The following DLGAP2 variants were observed in gnomAD, a reference collection of about 807,000 sequenced individuals.
DLGAP2 encodes DLG associated protein 2.
A neutral mutation model predicts 100.3 loss-of-function variants in DLGAP2; 26 were observed. That is an observed-to-expected ratio of 0.26 (90% CI 0.19 to 0.36). The LOEUF (loss-of-function observed/expected upper bound fraction) is 0.36, where lower values mean the gene tolerates loss of function less well. Ranked by LOEUF, DLGAP2 falls within the 10% of genes least tolerant of loss-of-function variation. DLGAP2 has a pLI of 1.00. For synonymous variants in DLGAP2, 886 were observed against 630.1 expected (o/e 1.41, Z -6.08); for missense variants, 1,858 against 1,453.2 (o/e 1.28, Z -4.53).
At chr8:1,562,535 G>C (rs1159486562) in intron 5 of DLGAP2, among the ~76,000 whole-genome samples, 1 of 52,956 alleles carries the variant, frequency 1.9e-5, no homozygotes, top group Non-Finnish European at 3.8e-5. Flanking sequence ...CTCGTTACTG[G>C]GGGACTGTGT....
At chr8:855,008 C>G (rs1431300238) in intron 1 of DLGAP2, among the ~76,000 whole-genome samples, 1 of 152,160 alleles carries the variant, frequency 6.6e-6, no homozygotes, top group East Asian at 1.9e-4. Context: ...AGAGGTCTGG[C>G]AGTCAGAGGT....
chr8:1,028,863 G>A (rs1801893599), intron 2 of DLGAP2, among the ~76,000 whole-genome samples: 1 of 152,214 alleles, frequency 6.6e-6, no homozygotes, highest in African/African-American at 2.4e-5. Flanking sequence ...TTAGCAGTCT[G>A]GAGGGAGGAC....
At chr8:1,527,102 C>T (rs535028261) in intron 4 of DLGAP2, among the ~76,000 whole-genome samples, 56 of 152,362 alleles carry the variant, frequency 3.7e-4, no homozygotes, top group African/African-American at 1.3e-3. Context: ...GTTACCACAG[C>T]TTCACATCGT....
intron 3 of DLGAP2, among the ~76,000 whole-genome samples, chr8:1,267,422 C>T (rs1799478218): frequency 6.7e-6 from 1 of 149,876 alleles, no homozygotes; most frequent in Non-Finnish European, 1.5e-5. Context: ...AAAAATTAGC[C>T]AGGTGTGGCG....
chr8:1,138,706 C>T (rs62486835), intron 2 of DLGAP2, among the ~76,000 whole-genome samples: 232 of 152,364 alleles, frequency 1.5e-3, no homozygotes, highest in Non-Finnish European at 2.2e-3. Flanking sequence ...CAGTCTGCAG[C>T]GGTGCCTTCT....
chr8:738,038 G>C (rs1820365154), intron 1 of DLGAP2: 2 of 300,138 alleles, frequency 6.7e-6, no homozygotes, highest in Middle Eastern at 9.6e-4. Context: ...GCTCCTCGCC[G>C]GGCTCCGCGC....
chr8:1,220,888 T>G (rs1249993761), intron 2 of DLGAP2, among the ~76,000 whole-genome samples: 1 of 152,218 alleles, frequency 6.6e-6, no homozygotes, highest in Non-Finnish European at 1.5e-5. Context: ...ATTGTTGGTT[T>G]AAAGTCTTTT....
intron 3 of DLGAP2, among the ~76,000 whole-genome samples, chr8:1,382,735 C>G (rs1365556456): frequency 6.6e-6 from 1 of 152,124 alleles, no homozygotes; most frequent in Non-Finnish European, 1.5e-5. Context: ...CAGTGAGACC[C>G]TGTCTCAAAG....
chr8:1,223,967 T>G (rs1798366289), intron 2 of DLGAP2, among the ~76,000 whole-genome samples: 1 of 152,192 alleles, frequency 6.6e-6, no homozygotes, highest in Non-Finnish European at 1.5e-5. Context: ...CCTTAATTAT[T>G]TTACCTTATT....
intron 2 of DLGAP2, among the ~76,000 whole-genome samples, chr8:1,168,239 C>G (rs1002669764): frequency 1.3e-5 from 2 of 151,904 alleles, no homozygotes; most frequent in African/African-American, 4.8e-5. Flanking sequence ...GCATAGTATT[C>G]CATGGTGTAT....
At chr8:1,167,163 T>G (rs1389130686) in intron 2 of DLGAP2, among the ~76,000 whole-genome samples, 1 of 151,922 alleles carries the variant, frequency 6.6e-6, no homozygotes, top group African/African-American at 2.4e-5. Context: ...AAAAACAATT[T>G]GTAAAAGCCT....
chr8:1,616,674 C>G (rs1748501863), intron 6 of DLGAP2, among the ~76,000 whole-genome samples: 1 of 152,186 alleles, frequency 6.6e-6, no homozygotes, highest in East Asian at 1.9e-4. Context: ...AAAATAAAGA[C>G]TTTTCAAACA....
chr8:1,085,232 T>C lies in DLGAP2; in HGVS notation c.74-173619T>C, dbSNP rs188407187. Among the ~76,000 whole-genome samples, 64 of 152,336 alleles carry C rather than the reference T, an allele frequency of 4.2e-4. No homozygotes were observed. In the East Asian group the frequency reaches 0.011, roughly 27 times the overall value. On this transcript the variant is annotated intron_variant, in intron 2 of 14. Transcript: ENST00000637795. ...ATAATTTCTTTTCTTTCTATAGAGT[T>C]GTTTGAGTTCTTACATATTTTGGAT... is the stretch of plus-strand genomic sequence containing the variant.
chr8:803,727 A>G (rs544114204), intron 1 of DLGAP2, among the ~76,000 whole-genome samples: 14 of 152,372 alleles, frequency 9.2e-5, no homozygotes, highest in Admixed American at 7.2e-4. Flanking sequence ...GGGATGTTTT[A>G]CTATTTTAGC....
intron 2 of DLGAP2, among the ~76,000 whole-genome samples, chr8:967,364 G>C (rs890584048): frequency 1.3e-5 from 2 of 152,156 alleles, no homozygotes; most frequent in African/African-American, 4.8e-5. Flanking sequence ...ATTCTGTGCC[G>C]CTTAGGCTTT....
chr8:858,606 CGT>C (rs771029487), intron 1 of DLGAP2, among the ~76,000 whole-genome samples: 1 of 146,420 alleles, frequency 6.8e-6, no homozygotes. Flanking sequence ...ACCGTGGGCA[CGT>C]GTGTGATGCT....
At chr8:1,350,260 A>G (rs77190549) in intron 3 of DLGAP2, among the ~76,000 whole-genome samples, 932 of 23,952 alleles carry the variant, frequency 0.039, 67 homozygotes, top group African/African-American at 0.097. Flanking sequence ...GGTCCTGAGC[A>G]TGTGTGGAAC....
At chr8:1,298,213 G>C (rs1016364140) in intron 3 of DLGAP2, among the ~76,000 whole-genome samples, 1 of 152,138 alleles carries the variant, frequency 6.6e-6, no homozygotes, top group African/African-American at 2.4e-5. Context: ...GCGAGATAGG[G>C]AGGATTCAGG....
chr8:1,376,425 G>T (rs1237580151), intron 3 of DLGAP2, among the ~76,000 whole-genome samples: 2 of 152,252 alleles, frequency 1.3e-5, no homozygotes, highest in Non-Finnish European at 2.9e-5. Context: ...TGGCCTCTGT[G>T]CCCACCTGCT....
Sources: gnomAD v4.1 joint callset for allele counts (sites outside exome capture counted in the v4.1 genomes callset) on GRCh38, gnomAD v4.1.1 for gene constraint, MANE v1.5 for transcripts, NCBI Gene and HGNC (gene_info 2026-07-23, HGNC 2026-07-21) for gene names.